The following CDC42BPA variants were observed in gnomAD, a reference collection of about 807,000 sequenced individuals.
CDC42BPA encodes the protein serine/threonine-protein kinase MRCK alpha.
In CDC42BPA, 80 loss-of-function variants were observed where a neutral mutation model predicts 223.5. The ratio of observed to expected loss-of-function variants is 0.36; its 90% CI spans 0.30 to 0.43. CDC42BPA has a LOEUF of 0.43. CDC42BPA is among the 20% of genes least tolerant of loss of function. The pLI, the probability that CDC42BPA is intolerant of heterozygous loss-of-function variation, is 1.00. For missense variants in CDC42BPA, 1,743 were observed against 2,099.9 expected (o/e 0.83, Z 3.32); for synonymous variants, 694 against 718.6 (o/e 0.97, Z 0.55).
intron 1 of CDC42BPA, among the ~76,000 whole-genome samples, chr1:227,296,709 C>CAAAA (rs755335862): frequency 1.9e-3 from 131 of 69,784 alleles, no homozygotes; most frequent in African/African-American, 6.3e-3. Context: ...CTCCCCACAT[C>CAAAA]AAAAAAAAAA....
At chr1:227,268,886 T>C (rs996590194) in intron 1 of CDC42BPA, among the ~76,000 whole-genome samples, 3 of 151,850 alleles carry the variant, frequency 2.0e-5, no homozygotes, top group Admixed American at 1.3e-4. Flanking sequence ...GGGTTTGCCA[T>C]GTTGCCCAGG....
At chr1:227,311,644 C>A (rs780311812) in intron 1 of CDC42BPA, among the ~76,000 whole-genome samples, 1 of 151,684 alleles carries the variant, frequency 6.6e-6, no homozygotes, top group African/African-American at 2.4e-5. Flanking sequence ...AAGGAAGAGA[C>A]AATAAACCAT....
At chr1:227,168,698 C>T (rs1053902882) in intron 5 of CDC42BPA, among the ~76,000 whole-genome samples, 2 of 151,730 alleles carry the variant, frequency 1.3e-5, no homozygotes, top group Non-Finnish European at 2.9e-5. Flanking sequence ...GGGGTTTCAC[C>T]GTGTTAGCCA....
intron 34 of CDC42BPA, among the ~76,000 whole-genome samples, chr1:227,007,538 T>C (rs1470694987): frequency 1.5e-4 from 23 of 152,220 alleles, no homozygotes; most frequent in Admixed American, 1.5e-3. Flanking sequence ...AATTTAAGAG[T>C]TGATGATACT....
chr1:227,259,714 G>A (rs1173873147), intron 1 of CDC42BPA, among the ~76,000 whole-genome samples: 2 of 150,902 alleles, frequency 1.3e-5, no homozygotes, highest in Non-Finnish European at 2.9e-5. Context: ...GTAAGTCACA[G>A]TACTACTATG....
At chr1:227,214,253 T>A (rs1674445772) in intron 2 of CDC42BPA, among the ~76,000 whole-genome samples, 1 of 152,188 alleles carries the variant, frequency 6.6e-6, no homozygotes, top group Admixed American at 6.5e-5. Context: ...ATATCAAGGT[T>A]ATTTAATAAA....
intron 5 of CDC42BPA, among the ~76,000 whole-genome samples, chr1:227,164,732 C>T (rs556845282): frequency 4.5e-4 from 69 of 152,014 alleles, no homozygotes; most frequent in South Asian, 6.2e-4. Context: ...ACACACACCC[C>T]TAACTAAATT....
intron 21 of CDC42BPA, among the ~76,000 whole-genome samples, chr1:227,062,326 T>C (rs982616656): frequency 1.3e-5 from 2 of 152,212 alleles, no homozygotes; most frequent in Non-Finnish European, 2.9e-5. Flanking sequence ...AACATACTCA[T>C]CTGTGAAGAC....
At chr1:227,164,596 T>C (rs1664697210) in intron 5 of CDC42BPA, among the ~76,000 whole-genome samples, 1 of 151,902 alleles carries the variant, frequency 6.6e-6, no homozygotes, top group Non-Finnish European at 1.5e-5. Context: ...AGCCCAGGAG[T>C]TCAAAGCTGT....
intron 5 of CDC42BPA, 84 bp from the exon 6 acceptor site, chr1:227,160,720 T>C: frequency 1.3e-6 from 1 of 742,066 alleles, no homozygotes; most frequent in Admixed American, 2.6e-5. Context: ...CAGAAAAAAA[T>C]CTCAACTTAT....
chr1:227,024,553 G>T (rs565002209), intron 31 of CDC42BPA, among the ~76,000 whole-genome samples: 87 of 152,194 alleles, frequency 5.7e-4, no homozygotes, highest in African/African-American at 2.0e-3. Context: ...CCCCCAGTCA[G>T]GGAACAGACA....
chr1:227,143,507 T>C (rs1287682278), intron 8 of CDC42BPA, among the ~76,000 whole-genome samples: 2 of 152,190 alleles, frequency 1.3e-5, no homozygotes, highest in Non-Finnish European at 2.9e-5. Flanking sequence ...TGTCATGCAT[T>C]TCACATTTTT....
At chr1:227,019,896 T>C (rs888352111) in intron 32 of CDC42BPA, among the ~76,000 whole-genome samples, 10 of 152,034 alleles carry the variant, frequency 6.6e-5, no homozygotes, top group Admixed American at 5.9e-4. Flanking sequence ...AGAGTTACCA[T>C]AATTCTTTTT....
At chr1:227,167,314 T>G (rs1220028432) in intron 5 of CDC42BPA, among the ~76,000 whole-genome samples, 4 of 151,326 alleles carry the variant, frequency 2.6e-5, no homozygotes, top group Non-Finnish European at 5.9e-5. Context: ...TGTCCAAAAG[T>G]TTTTTTTTGG....
intron 24 of CDC42BPA, among the ~76,000 whole-genome samples, chr1:227,037,192 G>T (rs1437484864): frequency 6.6e-6 from 1 of 152,120 alleles, no homozygotes; most frequent in African/African-American, 2.4e-5. Flanking sequence ...ATGAAACAAA[G>T]CTTGAAAACT....
intron 1 of CDC42BPA, among the ~76,000 whole-genome samples, chr1:227,272,851 A>G (rs1218925530): frequency 6.6e-6 from 1 of 152,238 alleles, no homozygotes; most frequent in Non-Finnish European, 1.5e-5. Context: ...ATGGTTTCAG[A>G]GTCAGAAAAA....
At chr1:227,155,985 T>C (rs1006721292) in intron 6 of CDC42BPA, among the ~76,000 whole-genome samples, 2 of 151,962 alleles carry the variant, frequency 1.3e-5, no homozygotes, top group East Asian at 1.9e-4. Flanking sequence ...ATGGGAAATA[T>C]GTAAGTAAAT....
rs1386411080 is a variant in CDC42BPA, at chr1:227,100,961, T to C, written c.2249+31A>G. Reference sequence around the variant, plus strand: ...ACACATAACAGGTACTCAGTAAGTATTTACTGTATAGTAAATAATGTGATT... The same window carrying C: ...ACACATAACAGGTACTCAGTAAGTACTTACTGTATAGTAAATAATGTGATT... On this transcript the variant is annotated intron_variant, in intron 15 of 36. Coordinates refer to ENST00000366766, the MANE Select transcript of CDC42BPA (RefSeq NM_001394014.1). 6.9e-6 allele frequency: 9 copies of C among 1,309,014 alleles called. No individual in the cohort carries two copies. In the Admixed American group the frequency reaches 1.2e-4, roughly 17 times the overall value. 81.1% of individuals were successfully genotyped at this position (1,309,014 alleles called of 1,614,324 possible). A position where few individuals can be genotyped will look rare whatever the true frequency, so the allele number is the denominator to read the frequency against.
intron 5 of CDC42BPA, among the ~76,000 whole-genome samples, chr1:227,164,244 AT>A (rs1436051542): frequency 6.6e-6 from 1 of 152,108 alleles, no homozygotes; most frequent in Admixed American, 6.6e-5. Context: ...GGCAGAGCAT[AT>A]TTTTTAATTG....
Sources: gnomAD v4.1 joint callset for allele counts (sites outside exome capture counted in the v4.1 genomes callset) on GRCh38, gnomAD v4.1.1 for gene constraint, MANE v1.5 for transcripts, NCBI Gene and HGNC (gene_info 2026-07-23, HGNC 2026-07-21) for gene names.